Variants in CEMIP observed in about 807,000 individuals in gnomAD.
CEMIP encodes cell migration inducing hyaluronidase 1, also known as cell migration-inducing and hyaluronan-binding protein.
In CEMIP, 105 loss-of-function variants were observed where a neutral mutation model predicts 156.9. The observed-to-expected ratio is 0.67, with a 90% CI of 0.57 to 0.79. CEMIP has a LOEUF of 0.79. Among genes scored for constraint, CEMIP ranks in the 30% least tolerant of loss-of-function variants. The probability of loss-of-function intolerance (pLI) is 0.00; values close to 1 mark genes in which losing one functional copy is unlikely to be tolerated. For missense variants in CEMIP, 1,457 were observed against 1,769.4 expected (o/e 0.82, Z 3.17); for synonymous variants, 676 against 668.4 (o/e 1.01, Z -0.17).
intron 3 of CEMIP, among the ~76,000 whole-genome samples, 158 bp from the exon 4 acceptor site, chr15:80,878,563 T>C (rs1447067621): frequency 6.6e-6 from 1 of 152,202 alleles, no homozygotes; most frequent in African/African-American, 2.4e-5. Context: ...CTGCCTCCTA[T>C]GTCAGGAGGT....
rs568672694 is a variant in CEMIP at position 80,824,120 on chromosome 15, C to T, written c.-176+44506C>T. Reference sequence around the variant, plus strand: ...AATTAGGCTTTGTCTTGCTTATCAGCGCAAGTGAGAAAGACCGTGAAGGCA... The same window carrying T: ...AATTAGGCTTTGTCTTGCTTATCAGTGCAAGTGAGAAAGACCGTGAAGGCA... On this transcript the variant is annotated intron_variant, in intron 1 of 29. Coordinates refer to ENST00000394685, the MANE Select transcript of CEMIP (RefSeq NM_001293298.2). Among the ~76,000 whole-genome samples, 6 of 152,260 alleles carry T rather than the reference C, an allele frequency of 3.9e-5. No individual in the cohort carries two copies. The East Asian group carries it at 9.6e-4, about 24-fold the overall frequency.
chr15:80,945,596 C>T (rs1016271547), intron 28 of CEMIP, among the ~76,000 whole-genome samples: 1 of 152,204 alleles, frequency 6.6e-6, no homozygotes, highest in Non-Finnish European at 1.5e-5. Flanking sequence ...GCTCCCTTCC[C>T]ATCTATCCTT....
At chr15:80,792,487 C>T (rs531941677) in intron 1 of CEMIP, among the ~76,000 whole-genome samples, 9 of 152,274 alleles carry the variant, frequency 5.9e-5, no homozygotes, top group African/African-American at 1.2e-4. Context: ...CTTTCTGTGC[C>T]TCAGTTGCTT....
intron 1 of CEMIP, among the ~76,000 whole-genome samples, chr15:80,783,024 T>A (rs1046658148): frequency 2.0e-5 from 3 of 152,228 alleles, no homozygotes. Flanking sequence ...GCATTCTGCC[T>A]ATTGCAACAG....
intron 1 of CEMIP, among the ~76,000 whole-genome samples, chr15:80,863,253 C>A (rs1302474770): frequency 6.6e-6 from 1 of 152,178 alleles, no homozygotes; most frequent in Admixed American, 6.5e-5. Context: ...ATTTCTACTT[C>A]AAAATACACC....
intron 1 of CEMIP, among the ~76,000 whole-genome samples, chr15:80,842,781 G>A (rs941351783): frequency 1.3e-4 from 20 of 152,286 alleles, no homozygotes; most frequent in Non-Finnish European, 5.9e-5. Flanking sequence ...GGCCTGGAGT[G>A]CAGAAGACAT....
At chr15:80,946,913 C>T in intron 28 of CEMIP, 52 bp from the exon 29 acceptor site, 1 of 1,293,728 alleles carries the variant, frequency 7.7e-7, no homozygotes, top group South Asian at 1.2e-5. Context: ...CCCATGCCCA[C>T]TTTCTCCAGT....
chr15:80,890,592 A>C (rs1405388914), intron 10 of CEMIP, among the ~76,000 whole-genome samples: 1 of 151,956 alleles, frequency 6.6e-6, no homozygotes, highest in African/African-American at 2.4e-5. Flanking sequence ...GACTCAAAAA[A>C]AAAAACAAAA....
chr15:80,878,003 C>A (rs1207398629), intron 3 of CEMIP, among the ~76,000 whole-genome samples: 1 of 152,198 alleles, frequency 6.6e-6, no homozygotes, highest in Non-Finnish European at 1.5e-5. Flanking sequence ...TGTAACTGGA[C>A]AAGTGTGGAG....
rs1387360110 is a variant in CEMIP at position 80,946,987 on chromosome 15, A to C, written c.3880A>C (p.Lys1294Gln). 1 of 1,613,670 alleles carries C rather than the reference A, an allele frequency of 6.2e-7. No homozygotes were observed. Among genetic ancestry groups the C allele is most frequent in the East Asian group, 2.2e-5 (1 of 44,878 alleles). ...CAGTTCCATAGTGCTTATGGCATCA[A>C]AGGGAAGATACGTCTCCAGAGGCCC... is the stretch of plus-strand genomic sequence containing the variant. Reference protein sequence around the residue: ...PDNSIVLMASKGRYVSRGPWT... With the variant: ...PDNSIVLMASQGRYVSRGPWT... Residue 1294 changes from lysine (K) to glutamine (Q), a missense_variant, in exon 29 of 30, where the codon AAG (lysine) becomes CAG (glutamine). This residue lies in a region of CEMIP where 798 missense variants were observed against 980.1 expected (regional missense o/e 0.81). Coordinates refer to ENST00000394685, the MANE Select transcript of CEMIP (RefSeq NM_001293298.2).
rs370594946 is a variant in CEMIP, at chr15:80,829,965, G to GGTGTGTGTGTGTGT, written c.-175-43549_-175-43536dup. 2.7e-3 allele frequency among the ~76,000 whole-genome samples: 365 copies of GGTGTGTGTGTGTGT among 133,776 alleles called. 2 individuals carry two copies. The highest frequency in any genetic ancestry group is 7.9e-3 in the African/African-American group (273 of 34,396). 87.8% of individuals were successfully genotyped at this position (133,776 alleles called of 152,430 possible). On this transcript the variant is annotated intron_variant, in intron 1 of 29. Coordinates refer to ENST00000394685, the MANE Select transcript of CEMIP (RefSeq NM_001293298.2). Reference sequence around the variant, plus strand: ...CTAGTACCATAGAAGGGAGGTAGCGGGTGTGTGTGTGTGTGTGTGTGTGTG... The same window carrying GGTGTGTGTGTGTGT: ...CTAGTACCATAGAAGGGAGGTAGCGGGTGTGTGTGTGTGTGTGTGTGTGTGTGTGTGTGTGTGTG...
intron 27 of CEMIP, among the ~76,000 whole-genome samples, chr15:80,942,566 A>G (rs1193736470): frequency 6.6e-6 from 1 of 151,980 alleles, no homozygotes; most frequent in South Asian, 2.1e-4. Flanking sequence ...CTCTGTCTTT[A>G]TGTGGGCTTT....
At chr15:80,817,395 G>A (rs528439525) in intron 1 of CEMIP, among the ~76,000 whole-genome samples, 26 of 152,126 alleles carry the variant, frequency 1.7e-4, no homozygotes, top group Admixed American at 4.6e-4. Flanking sequence ...AGGAGTTCAA[G>A]ACCAGTCTGA....
At chr15:80,814,914 T>C (rs1230130390) in intron 1 of CEMIP, among the ~76,000 whole-genome samples, 1 of 152,154 alleles carries the variant, frequency 6.6e-6, no homozygotes, top group Non-Finnish European at 1.5e-5. Flanking sequence ...CTCGAACTCC[T>C]GCCCTCAGTG....
At chr15:80,816,690 T>G (rs1896795060) in intron 1 of CEMIP, among the ~76,000 whole-genome samples, 1 of 152,170 alleles carries the variant, frequency 6.6e-6, no homozygotes, top group Non-Finnish European at 1.5e-5. Context: ...TCTTCTCGTA[T>G]ATGTTTGCAT....
intron 21 of CEMIP, among the ~76,000 whole-genome samples, chr15:80,931,259 A>G (rs1900900684): frequency 1.3e-5 from 2 of 152,070 alleles, no homozygotes; most frequent in Non-Finnish European, 2.9e-5. Context: ...AATTATTTTT[A>G]TCATGTTTAT....
At position 80,889,494 on chromosome 15, in the gene CEMIP, G is replaced by A. The variant is rs767887297; in HGVS notation, c.988G>A (p.Asp330Asn). 17 of 1,613,978 alleles carry A rather than the reference G, an allele frequency of 1.1e-5. No individual in the cohort carries two copies. The highest frequency in any genetic ancestry group is 3.3e-5 in the Admixed American group (2 of 60,006). Residue 330 changes from aspartate (D) to asparagine (N), a missense_variant, in exon 10 of 30, where the codon GAT becomes AAT. Around this residue, in one of 5 missense-constraint regions of CEMIP, gnomAD observed 280 missense variants for 300.3 expected, o/e 0.93. Transcript: ENST00000394685. Reference sequence around the variant, plus strand: ...AGACGTGGAGTGGACGGAGTGGTTCGATCATGATAAAGTATCTCAGACTAA... The same window carrying A: ...AGACGTGGAGTGGACGGAGTGGTTCAATCATGATAAAGTATCTCAGACTAA... ...VQDVEWTEWF[D>N]HDKVSQTKGG...
At chr15:80,930,095 T>G (rs1404988006) in intron 21 of CEMIP, among the ~76,000 whole-genome samples, 1 of 152,274 alleles carries the variant, frequency 6.6e-6, no homozygotes, top group African/African-American at 2.4e-5. Flanking sequence ...TTCTTGTCTG[T>G]CTGAGCTTTC....
At chr15:80,789,173 C>T (rs1896018194) in intron 1 of CEMIP, among the ~76,000 whole-genome samples, 5 of 152,098 alleles carry the variant, frequency 3.3e-5, no homozygotes, top group Admixed American at 3.3e-4. Context: ...GCTGTGGTCT[C>T]CCAGGCAGAG....
Sources: allele counts gnomAD v4.1 joint callset (sites outside exome capture counted in the v4.1 genomes callset), GRCh38; gene constraint gnomAD v4.1.1; regional missense constraint gnomAD v4.1.1; transcripts MANE v1.5; gene names NCBI Gene and HGNC (gene_info 2026-07-23, HGNC 2026-07-21).